FNBP1: variants seen among roughly 807,000 people sequenced by gnomAD.
FNBP1 encodes the protein formin-binding protein 1.
Under a neutral mutation model 90.6 loss-of-function variants are expected in FNBP1, and 26 were observed. The ratio of observed to expected loss-of-function variants is 0.29; its 90% CI spans 0.21 to 0.40. FNBP1 has a LOEUF of 0.40. Among genes scored for constraint, FNBP1 ranks in the 10% least tolerant of loss-of-function variants. The pLI is 1.00. For synonymous variants in FNBP1, 260 were observed against 265.2 expected (o/e 0.98, Z 0.19); for missense variants, 635 against 768.0 (o/e 0.83, Z 2.05).
At chr9:129,892,718 C>T (rs370997064) in intron 16 of FNBP1, among the ~76,000 whole-genome samples, 2 of 152,034 alleles carry the variant, frequency 1.3e-5, no homozygotes, top group African/African-American at 4.8e-5. Context: ...ATTCCTGATT[C>T]TTTGGAATTT....
rs568652712 is a variant in FNBP1, at chr9:129,921,595, T to C, written c.1170+2249A>G. 2.5e-4 allele frequency among the ~76,000 whole-genome samples: 38 copies of C among 152,202 alleles called. 1 individual carries two copies. Among genetic ancestry groups the C allele is most frequent in the Admixed American group, 2.0e-3 (31 of 15,286 alleles). On this transcript the variant is annotated intron_variant, in intron 10 of 16. Coordinates refer to ENST00000446176, the MANE Select transcript of FNBP1 (RefSeq NM_015033.3). Reference sequence around the variant, plus strand: ...GCCCGGCTAATTTTTGTATTTTTAGTACAGACGGGGTTTCACCATGTTGGT... The same window carrying C: ...GCCCGGCTAATTTTTGTATTTTTAGCACAGACGGGGTTTCACCATGTTGGT...
chr9:129,908,831 G>T, intron 12 of FNBP1, 59 bp downstream of exon 12: 2 of 1,120,474 alleles, frequency 1.8e-6, no homozygotes, highest in Non-Finnish European at 2.7e-6. Flanking sequence ...GGGATTACAG[G>T]TTGTGAGCCA....
At chr9:129,948,200 G>A (rs546532144) in intron 6 of FNBP1, among the ~76,000 whole-genome samples, 3 of 152,060 alleles carry the variant, frequency 2.0e-5, no homozygotes, top group African/African-American at 4.8e-5. Flanking sequence ...TTGAATCCAC[G>A]AGGTTGAGGC....
At chr9:129,913,819 C>A (rs2039782418) in intron 11 of FNBP1, among the ~76,000 whole-genome samples, 1 of 151,928 alleles carries the variant, frequency 6.6e-6, no homozygotes, top group Admixed American at 6.6e-5. Context: ...CTTCCCCCCA[C>A]CCCAAAATAG....
chr9:130,000,159 T>C (rs913088103), intron 1 of FNBP1, among the ~76,000 whole-genome samples: 1 of 152,216 alleles, frequency 6.6e-6, no homozygotes, highest in African/African-American at 2.4e-5. Flanking sequence ...ATCTTTTACC[T>C]GTATATGATC....
intron 1 of FNBP1, among the ~76,000 whole-genome samples, chr9:130,037,542 A>T (rs2059428578): frequency 6.6e-6 from 1 of 152,196 alleles, no homozygotes; most frequent in Non-Finnish European, 1.5e-5. Flanking sequence ...AAAATTCAAC[A>T]CACTATAAAG....
rs1407182260 is a variant in FNBP1, at chr9:129,888,544, T to G, written c.*1995A>C. 4.3e-6 allele frequency: 1 copy of G among 232,882 alleles called. No homozygotes were observed. The highest frequency in any genetic ancestry group is 8.5e-6 in the Non-Finnish European group (1 of 117,860). The allele number at this position is 232,882 out of a possible 1,614,324, so 14.4% of individuals were successfully genotyped here. ...TGCGTGACTGATGGGTGCACCACGC[T>G]TAGGTCACCCGTTGCAGGGACCGGA... On this transcript the variant is annotated 3_prime_UTR_variant, in exon 17 of 17. Coordinates refer to ENST00000446176, the MANE Select transcript of FNBP1 (RefSeq NM_015033.3).
At chr9:129,902,110 C>T (rs2037068639) in intron 13 of FNBP1, among the ~76,000 whole-genome samples, 1 of 151,992 alleles carries the variant, frequency 6.6e-6, no homozygotes, top group South Asian at 2.1e-4. Flanking sequence ...TTTATGTTTC[C>T]TGCTTGTTTC....
At chr9:129,934,255 T>G (rs1054906697) in intron 6 of FNBP1, among the ~76,000 whole-genome samples, 1 of 152,200 alleles carries the variant, frequency 6.6e-6, no homozygotes, top group African/African-American at 2.4e-5. Flanking sequence ...TAAATTAAAT[T>G]TCCCATTCTG....
chr9:129,971,531 C>T (rs145787110), intron 4 of FNBP1, among the ~76,000 whole-genome samples: 10,004 of 152,196 alleles, frequency 0.066, 443 homozygotes, highest in Admixed American at 0.12. Context: ...GCTGGGACTA[C>T]AGGCACATGC....
chr9:129,939,167 T>C (rs1162785081), intron 6 of FNBP1, among the ~76,000 whole-genome samples: 1 of 151,966 alleles, frequency 6.6e-6, no homozygotes, highest in African/African-American at 2.4e-5. Context: ...GGCGGGTGGA[T>C]CACCTGAGGT....
At chr9:130,043,532 G>A (rs1458011902), upstream of FNBP1, among the ~76,000 whole-genome samples, 2 of 152,244 alleles carry the variant, frequency 1.3e-5, no homozygotes, top group African/African-American at 2.4e-5. Flanking sequence ...TCCCCTGCGC[G>A]TATCGCCGCT....
At chr9:129,943,980 G>A (rs139304793) in intron 6 of FNBP1, among the ~76,000 whole-genome samples, 3,785 of 70,440 alleles carry the variant, frequency 0.054, 187 homozygotes, top group African/African-American at 0.18. Flanking sequence ...GCGACAGAGC[G>A]AGACTCCATC....
chr9:129,908,475 G>A (rs1391301730), intron 12 of FNBP1, among the ~76,000 whole-genome samples: 1 of 151,398 alleles, frequency 6.6e-6, no homozygotes, highest in Non-Finnish European at 1.5e-5. Context: ...AAAGTGCTGG[G>A]ATTACAGGTG....
At chr9:130,001,682 G>C (rs571066691) in intron 1 of FNBP1, among the ~76,000 whole-genome samples, 1 of 151,922 alleles carries the variant, frequency 6.6e-6, no homozygotes, top group African/African-American at 2.4e-5. Context: ...AGGAGTTCGA[G>C]ACCAGCCTGG....
the FNBP1 span, among the ~76,000 whole-genome samples, chr9:130,053,012 A>G: frequency 6.6e-6 from 1 of 152,086 alleles, no homozygotes; most frequent in Non-Finnish European, 1.5e-5. Context: ...GTTACTCCAG[A>G]GGCTGAGGCA....
At chr9:130,032,943 C>T (rs965745897) in intron 1 of FNBP1, among the ~76,000 whole-genome samples, 2 of 152,072 alleles carry the variant, frequency 1.3e-5, no homozygotes, top group Non-Finnish European at 2.9e-5. Flanking sequence ...TCCAAAGCAA[C>T]GATTTCCAGG....
chr9:129,962,751 G>A (rs776199037), intron 4 of FNBP1, among the ~76,000 whole-genome samples: 13 of 152,148 alleles, frequency 8.5e-5, no homozygotes, highest in Non-Finnish European at 1.8e-4. Flanking sequence ...ATGGACATAA[G>A]GATAGAACAG....
At position 130,041,721 on chromosome 9, in the gene FNBP1, T is replaced by TAAA. The variant is rs2059835137; in HGVS notation, c.24+1230_24+1231insTTT. ...CTCAGGATTTTGGTAATAACAACCGTAGCTGCTTCTGTACCTAACAAATGG... is the reference window on the plus strand; with the variant it reads ...CTCAGGATTTTGGTAATAACAACCGTAAAAGCTGCTTCTGTACCTAACAAATGG... On this transcript the variant is annotated intron_variant, in intron 1 of 16. Coordinates refer to ENST00000446176, the MANE Select transcript of FNBP1 (RefSeq NM_015033.3). The surrounding 1 kb of genome is among the most constrained non-coding windows in gnomAD (Gnocchi z 4.3). Among the ~76,000 whole-genome samples, 1 of 152,236 alleles carries TAAA rather than the reference T, an allele frequency of 6.6e-6. No homozygotes were observed. The highest frequency in any genetic ancestry group is 1.5e-5 in the Non-Finnish European group (1 of 68,044).
Sources: gnomAD v4.1 joint callset for allele counts (sites outside exome capture counted in the v4.1 genomes callset) on GRCh38, gnomAD v4.1.1 for gene constraint, Gnocchi (gnomAD v3.1) non-coding constraint, MANE v1.5 for transcripts, NCBI Gene and HGNC (gene_info 2026-07-23, HGNC 2026-07-21) for gene names.